Variants in CDH13 observed in about 807,000 individuals in gnomAD.
CDH13 encodes cadherin-13.
In CDH13, 24 loss-of-function variants were observed where a neutral mutation model predicts 63.8. The observed-to-expected ratio is 0.38, with a 90% CI of 0.27 to 0.53. CDH13 has a LOEUF of 0.53. CDH13 is among the 20% of genes least tolerant of loss of function. The probability of loss-of-function intolerance (pLI) is 0.85; values close to 1 mark genes in which losing one functional copy is unlikely to be tolerated. For synonymous variants in CDH13, 503 were observed against 355.3 expected (o/e 1.42, Z -4.67); for missense variants, 1,049 against 903.1 (o/e 1.16, Z -2.07).
intron 6 of CDH13, among the ~76,000 whole-genome samples, chr16:83,358,989 A>G (rs975568523): frequency 6.6e-6 from 1 of 152,160 alleles, no homozygotes; most frequent in Non-Finnish European, 1.5e-5. Context: ...TGGGGCTGCC[A>G]TTTATGTCAG....
At chr16:82,934,313 C>T (rs538795369) in intron 2 of CDH13, among the ~76,000 whole-genome samples, 1 of 152,230 alleles carries the variant, frequency 6.6e-6, no homozygotes, top group African/African-American at 2.4e-5. Context: ...AAGCCACAGT[C>T]TGAGCTGTAC....
At chr16:83,002,470 A>T (rs1412901278) in intron 2 of CDH13, among the ~76,000 whole-genome samples, 1 of 152,184 alleles carries the variant, frequency 6.6e-6, no homozygotes, top group African/African-American at 2.4e-5. Flanking sequence ...GCTAGAGAAA[A>T]ATTTCTGTTG....
chr16:83,765,177 G>A (rs1335391106), intron 11 of CDH13, among the ~76,000 whole-genome samples: 2 of 152,176 alleles, frequency 1.3e-5, no homozygotes, highest in Admixed American at 1.3e-4. Flanking sequence ...TCAAGAGCAG[G>A]CACCTGTACC....
chr16:83,014,473 C>T (rs1302283304), intron 2 of CDH13, among the ~76,000 whole-genome samples: 1 of 151,438 alleles, frequency 6.6e-6, no homozygotes, highest in Non-Finnish European at 1.5e-5. Flanking sequence ...GTGGCTTATG[C>T]CTGTAATCTC....
chr16:83,526,230 A>ATTGTT (rs948982660), intron 7 of CDH13, among the ~76,000 whole-genome samples: 4 of 151,990 alleles, frequency 2.6e-5, no homozygotes, highest in Non-Finnish European at 5.9e-5. Flanking sequence ...GGTGGTGGTT[A>ATTGTT]TTGTTTTGTT....
In CDH13 at chr16:83,125,415, G is replaced by A; in HGVS notation, c.397G>A (p.Val133Ile). The A allele has an allele frequency of 1.2e-6, 2 of 1,608,360 alleles. No homozygotes were observed. The highest frequency in any genetic ancestry group is 8.5e-7 in the Non-Finnish European group (1 of 1,174,924). Residue 133 changes from valine (V) to isoleucine (I), a missense_variant, in exon 4 of 14, where the codon GTC (valine) becomes ATC (isoleucine). Coordinates refer to ENST00000567109, the MANE Select transcript of CDH13 (RefSeq NM_001257.5). ...DIFKFARTSP[V>I]PRQKRSIVVS... ...ATTTAAATTTGCAAGAACTTCTCCT[G>A]TCCCAAGACAAAAGAGGTCCATTGT...
intron 11 of CDH13, among the ~76,000 whole-genome samples, chr16:83,758,133 G>C (rs1913666655): frequency 6.6e-6 from 1 of 151,734 alleles, no homozygotes; most frequent in African/African-American, 2.4e-5. Flanking sequence ...TACAGATCCA[G>C]ATGGCTTTGC....
chr16:83,324,085 C>T (rs370344543), intron 5 of CDH13, among the ~76,000 whole-genome samples: 9 of 149,564 alleles, frequency 6.0e-5, no homozygotes, highest in African/African-American at 1.7e-4. Context: ...TTACCCAAGC[C>T]GGAGTGCAAT....
At chr16:82,669,363 C>T (rs116220967) in intron 1 of CDH13, among the ~76,000 whole-genome samples, 15 of 152,130 alleles carry the variant, frequency 9.9e-5, no homozygotes, top group Non-Finnish European at 2.1e-4. Context: ...AGAAAATGGA[C>T]GCAGGTACAA....
intron 6 of CDH13, among the ~76,000 whole-genome samples, chr16:83,370,110 A>T (rs1338740839): frequency 6.6e-6 from 1 of 152,194 alleles, no homozygotes; most frequent in Non-Finnish European, 1.5e-5. Flanking sequence ...ATCGTTGGCT[A>T]GGCGCGGTGG....
intron 6 of CDH13, among the ~76,000 whole-genome samples, chr16:83,411,745 C>G (rs547166485): frequency 2.6e-5 from 4 of 152,168 alleles, no homozygotes; most frequent in Non-Finnish European, 4.4e-5. Context: ...CTTAAACATA[C>G]CAGCTAGTGG....
intron 5 of CDH13, among the ~76,000 whole-genome samples, chr16:83,334,309 C>G (rs927519906): frequency 1.3e-5 from 2 of 149,816 alleles, no homozygotes; most frequent in Admixed American, 6.7e-5. Context: ...CTCTCTCCCC[C>G]CTCTCTCCCT....
At chr16:83,428,690 A>G (rs1313657682) in intron 6 of CDH13, among the ~76,000 whole-genome samples, 2 of 152,198 alleles carry the variant, frequency 1.3e-5, no homozygotes, top group Non-Finnish European at 2.9e-5. Context: ...AGACAAGGGG[A>G]TGGATGAGAT....
At chr16:82,717,342 A>G (rs1423548988) in intron 1 of CDH13, among the ~76,000 whole-genome samples, 1 of 151,488 alleles carries the variant, frequency 6.6e-6, no homozygotes, top group Non-Finnish European at 1.5e-5. Flanking sequence ...AGGCTGAGGC[A>G]GGAGAATCGC....
At chr16:82,959,669 G>A (rs745431845) in intron 2 of CDH13, among the ~76,000 whole-genome samples, 1 of 152,138 alleles carries the variant, frequency 6.6e-6, no homozygotes, top group Non-Finnish European at 1.5e-5. Context: ...CTCTTTTTAA[G>A]GTCAGCTGAT....
chr16:82,917,909 C>T (rs1291409055), intron 2 of CDH13, among the ~76,000 whole-genome samples: 6 of 107,294 alleles, frequency 5.6e-5, no homozygotes, highest in African/African-American at 2.9e-4. Flanking sequence ...AGAGAGACTC[C>T]ATGTCAAAAA....
At chr16:83,495,631 A>G (rs1376587109) in intron 7 of CDH13, among the ~76,000 whole-genome samples, 4 of 152,244 alleles carry the variant, frequency 2.6e-5, no homozygotes, top group Non-Finnish European at 5.9e-5. Flanking sequence ...TAGGGCAAAG[A>G]AACATATTTG....
chr16:82,763,403 G>T (rs913798460), intron 1 of CDH13, among the ~76,000 whole-genome samples: 1 of 152,068 alleles, frequency 6.6e-6, no homozygotes, highest in Non-Finnish European at 1.5e-5. Context: ...CTCTCTGCTT[G>T]TCTTGGTCTC....
At position 83,104,657 on chromosome 16, in the gene CDH13, T is replaced by A. The variant is rs568663542; in HGVS notation, c.367-20728T>A. On this transcript the variant is annotated intron_variant, in intron 3 of 13. Transcript: ENST00000567109. Reference sequence around the variant, plus strand: ...GGCGGGGGAAATAGTGTAATTTAGGTTAAATATTGTGAATAACTCCCCAAG... The same window carrying A: ...GGCGGGGGAAATAGTGTAATTTAGGATAAATATTGTGAATAACTCCCCAAG... 8.5e-4 allele frequency among the ~76,000 whole-genome samples: 130 copies of A among 152,150 alleles called. 1 individual carries two copies. Among genetic ancestry groups the A allele is most frequent in the African/African-American group, 2.8e-3 (115 of 41,496 alleles).
Sources: allele counts gnomAD v4.1 joint callset (sites outside exome capture counted in the v4.1 genomes callset), GRCh38; gene constraint gnomAD v4.1.1; transcripts MANE v1.5; gene names NCBI Gene and HGNC (gene_info 2026-07-23, HGNC 2026-07-21).